NUBPL: variants seen among roughly 807,000 people sequenced by gnomAD.
NUBPL encodes iron-sulfur cluster transfer protein NUBPL.
Under a neutral mutation model 45.7 loss-of-function variants are expected in NUBPL, and 31 were observed. That is an observed-to-expected ratio of 0.68 (90% CI 0.51 to 0.92). The LOEUF (loss-of-function observed/expected upper bound fraction) is 0.92. Among genes scored for constraint, NUBPL ranks in the 40% least tolerant of loss-of-function variants. The probability of loss-of-function intolerance (pLI) is 0.00; values close to 1 mark genes in which losing one functional copy is unlikely to be tolerated. For synonymous variants in NUBPL, 144 were observed against 140.9 expected (o/e 1.02, Z -0.15); for missense variants, 401 against 398.7 (o/e 1.01, Z -0.05).
intron 3 of NUBPL, among the ~76,000 whole-genome samples, chr14:31,567,262 TTA>T (rs2033460326): frequency 6.6e-6 from 1 of 152,220 alleles, no homozygotes; most frequent in Non-Finnish European, 1.5e-5. Context: ...TAGGTTTTCT[TTA>T]TGTCTTTTAC....
At chr14:31,609,322 G>A (rs1348413499) in intron 4 of NUBPL, among the ~76,000 whole-genome samples, 1 of 152,070 alleles carries the variant, frequency 6.6e-6, no homozygotes, top group Non-Finnish European at 1.5e-5. Flanking sequence ...TATAAGAAGA[G>A]ACAAAGAAGG....
At chr14:31,799,448 A>G (rs1336991416) in intron 7 of NUBPL, among the ~76,000 whole-genome samples, 2 of 152,198 alleles carry the variant, frequency 1.3e-5, no homozygotes, top group Non-Finnish European at 1.5e-5. Context: ...AACTCTTTGT[A>G]TATGCTCCAT....
At chr14:31,580,546 C>T (rs563468582) in intron 3 of NUBPL, among the ~76,000 whole-genome samples, 47 of 152,166 alleles carry the variant, frequency 3.1e-4, no homozygotes, top group Non-Finnish European at 6.2e-4. Flanking sequence ...CCCAGGAGTT[C>T]GAGGCTGCAG....
At chr14:31,852,815 T>C (rs2040558325) in intron 10 of NUBPL, among the ~76,000 whole-genome samples, 1 of 152,148 alleles carries the variant, frequency 6.6e-6, no homozygotes, top group African/African-American at 2.4e-5. Context: ...AGTCTTGTGA[T>C]GAATCTTGCC....
intron 7 of NUBPL, among the ~76,000 whole-genome samples, chr14:31,825,231 C>T (rs1037336880): frequency 6.6e-5 from 10 of 152,144 alleles, no homozygotes; most frequent in Admixed American, 5.9e-4. Flanking sequence ...CTAAGAATCA[C>T]CTCTTTCTGG....
chr14:31,680,712 C>T (rs1467020924), intron 6 of NUBPL, among the ~76,000 whole-genome samples: 1 of 152,118 alleles, frequency 6.6e-6, no homozygotes, highest in African/African-American at 2.4e-5. Context: ...ATACAATCTA[C>T]ACTCAGCCTC....
chr14:31,810,928 G>T (rs1303084401), intron 7 of NUBPL, among the ~76,000 whole-genome samples: 1 of 152,138 alleles, frequency 6.6e-6, no homozygotes, highest in Non-Finnish European at 1.5e-5. Context: ...TTTTCTTAAA[G>T]AATGTTGAAT....
At chr14:31,626,431 C>T (rs984421144) in intron 4 of NUBPL, among the ~76,000 whole-genome samples, 1 of 152,206 alleles carries the variant, frequency 6.6e-6, no homozygotes, top group Non-Finnish European at 1.5e-5. Context: ...TGAGCCACCG[C>T]ACCTGGCCCA....
intron 6 of NUBPL, among the ~76,000 whole-genome samples, chr14:31,755,571 T>G (rs2038641282): frequency 6.6e-6 from 1 of 151,948 alleles, no homozygotes; most frequent in Admixed American, 6.6e-5. Flanking sequence ...TAAATTTGTT[T>G]GAGTTCATTG....
At chr14:31,561,705 C>T (rs1420298287) in intron 1 of NUBPL, 158 bp downstream of exon 1, 4 of 558,030 alleles carry the variant, frequency 7.2e-6, no homozygotes, top group East Asian at 6.1e-5. Context: ...CAGGCTGAGG[C>T]GTGGCGGGAC....
At chr14:31,813,669 A>G in intron 7 of NUBPL, among the ~76,000 whole-genome samples, 1 of 152,056 alleles carries the variant, frequency 6.6e-6, no homozygotes, top group East Asian at 1.9e-4. Flanking sequence ...TATTTCTCCT[A>G]ATGCTATCTC....
chr14:31,809,965 C>T (rs970617620), intron 7 of NUBPL, among the ~76,000 whole-genome samples: 2 of 152,184 alleles, frequency 1.3e-5, no homozygotes, highest in African/African-American at 4.8e-5. Flanking sequence ...AATTTGATTG[C>T]ACTGTGGTCT....
chr14:31,779,174 T>C (rs1361230670), intron 6 of NUBPL, among the ~76,000 whole-genome samples: 1 of 151,880 alleles, frequency 6.6e-6, no homozygotes, highest in Non-Finnish European at 1.5e-5. Flanking sequence ...AAACCCCATC[T>C]CTACTAACAT....
At chr14:31,675,856 A>T (rs922933104) in intron 6 of NUBPL, among the ~76,000 whole-genome samples, 1 of 152,188 alleles carries the variant, frequency 6.6e-6, no homozygotes, top group Non-Finnish European at 1.5e-5. Context: ...ATATATACCT[A>T]TGTAATCATA....
At chr14:31,651,480 A>C (rs1267915593) in intron 4 of NUBPL, among the ~76,000 whole-genome samples, 1 of 152,238 alleles carries the variant, frequency 6.6e-6, no homozygotes, top group African/African-American at 2.4e-5. Context: ...TGTAATACAC[A>C]TTTAAAGTTT....
chr14:31,589,351 G>T (rs1233479888), intron 3 of NUBPL, among the ~76,000 whole-genome samples: 3 of 152,044 alleles, frequency 2.0e-5, no homozygotes, highest in Non-Finnish European at 2.9e-5. Flanking sequence ...TGACATCTGT[G>T]ATTGAGTAAG....
chr14:31,605,987 C>T (rs552389310), intron 4 of NUBPL, among the ~76,000 whole-genome samples: 29 of 148,252 alleles, frequency 2.0e-4, no homozygotes, highest in Middle Eastern at 3.5e-3. Context: ...CTCCTCCTCT[C>T]GTCCTCCCTT....
intron 7 of NUBPL, among the ~76,000 whole-genome samples, chr14:31,790,670 T>G (rs1275789995): frequency 6.6e-6 from 1 of 151,446 alleles, no homozygotes; most frequent in Non-Finnish European, 1.5e-5. Context: ...GCTAACATGG[T>G]GAAACCCCAT....
chr14:31,613,248 A>G (rs546699558), intron 4 of NUBPL, among the ~76,000 whole-genome samples: 1 of 152,302 alleles, frequency 6.6e-6, no homozygotes, highest in South Asian at 2.1e-4. Flanking sequence ...AATCAAAACA[A>G]TTGAACTCAT....
Sources: allele counts gnomAD v4.1 joint callset (sites outside exome capture counted in the v4.1 genomes callset), GRCh38; gene constraint gnomAD v4.1.1; transcripts MANE v1.5; gene names NCBI Gene and HGNC (gene_info 2026-07-23, HGNC 2026-07-21).